KCNIP4: variants seen among roughly 807,000 people sequenced by gnomAD.
The protein encoded by KCNIP4 is potassium voltage-gated channel interacting protein 4, also known as Kv channel-interacting protein 4.
Under a neutral mutation model 34.0 loss-of-function variants are expected in KCNIP4, and 12 were observed. The ratio of observed to expected loss-of-function variants is 0.35; its 90% CI spans 0.23 to 0.57. The LOEUF (loss-of-function observed/expected upper bound fraction) is 0.57. KCNIP4 is among the 20% of genes least tolerant of loss of function. The probability of loss-of-function intolerance (pLI) is 0.83; values close to 1 mark genes in which losing one functional copy is unlikely to be tolerated. For missense variants in KCNIP4, 238 were observed against 311.7 expected, an observed-to-expected ratio of 0.76 and a Z score of 1.78; for synonymous variants, 124 against 102.2, an observed-to-expected ratio of 1.21 and a Z score of -1.29.
chr4:21,594,876 G>T (rs1004042309), intron 1 of KCNIP4, among the ~76,000 whole-genome samples: 5 of 151,898 alleles, frequency 3.3e-5, no homozygotes, highest in African/African-American at 1.2e-4. Context: ...ATCAACATTT[G>T]GCACATTCCA....
At chr4:21,831,716 T>G (rs1329763162) in intron 1 of KCNIP4, among the ~76,000 whole-genome samples, 1 of 145,632 alleles carries the variant, frequency 6.9e-6, no homozygotes, top group East Asian at 2.0e-4. Flanking sequence ...ACTGGTGAAT[T>G]CTACCAAAGA....
Position 21,375,277 on chromosome 4 carries a change from G to T in KCNIP4, c.62-492568C>A, listed in dbSNP as rs1720861369. On this transcript the variant is annotated intron_variant, in intron 1 of 8. Coordinates refer to ENST00000382152, the MANE Select transcript of KCNIP4 (RefSeq NM_025221.6). Reference sequence around the variant, plus strand: ...GACATGTGTGTTCAATTGCATCCAAGAATGTCTTCTGAAACTGAGTCCCTC... The same window carrying T: ...GACATGTGTGTTCAATTGCATCCAATAATGTCTTCTGAAACTGAGTCCCTC... 1.5e-5 allele frequency among the ~76,000 whole-genome samples: 2 copies of T among 130,818 alleles called. 1 individual carries two copies. Among genetic ancestry groups the T allele is most frequent in the South Asian group, 4.5e-4 (2 of 4,398 alleles). The allele number at this position is 130,818 out of a possible 152,430, so 85.8% of individuals were successfully genotyped here.
chr4:21,554,319 C>T (rs561837586), intron 1 of KCNIP4, among the ~76,000 whole-genome samples: 1 of 152,142 alleles, frequency 6.6e-6, no homozygotes, highest in South Asian at 2.1e-4. Flanking sequence ...GGAAAGAGAG[C>T]AGGGGGCTGT....
At chr4:21,639,039 G>C (rs1318264970) in intron 1 of KCNIP4, among the ~76,000 whole-genome samples, 1 of 152,150 alleles carries the variant, frequency 6.6e-6, no homozygotes, top group Admixed American at 6.5e-5. Context: ...TTATGCTGCT[G>C]ATTAATTGGG....
At chr4:21,845,473 G>T (rs1202031384) in intron 1 of KCNIP4, 6 of 151,954 alleles carry the variant, frequency 3.9e-5, no homozygotes, top group Admixed American at 1.3e-4. Flanking sequence ...GGCCAGATTT[G>T]GCCCATTTGC....
At chr4:20,799,551 C>A (rs1169633522) in intron 3 of KCNIP4, among the ~76,000 whole-genome samples, 6 of 152,196 alleles carry the variant, frequency 3.9e-5, no homozygotes, top group African/African-American at 1.4e-4. Context: ...CCCATCTGAG[C>A]TGGTGAGATG....
rs1453348127 is a variant in KCNIP4, at chr4:20,730,165, A to G, written c.706-36T>C. ...GAAACACAGAGCGATTAAATTCAGC[A>G]TATCTGCAAGGAAAAGTACACTATT... On this transcript the variant is annotated intron_variant, in intron 8 of 8. Coordinates refer to ENST00000382152, the MANE Select transcript of KCNIP4 (RefSeq NM_025221.6). 2.5e-6 allele frequency: 4 copies of G among 1,585,746 alleles called. No homozygotes were observed. The African/African-American group carries it at 5.4e-5, about 21-fold the overall frequency.
chr4:21,115,960 T>G (rs1445532157), intron 1 of KCNIP4, among the ~76,000 whole-genome samples: 2 of 152,202 alleles, frequency 1.3e-5, no homozygotes, highest in Admixed American at 1.3e-4. Context: ...GCTAAAGCCA[T>G]AAAGTCATTT....
At chr4:21,124,661 G>A (rs1429430687) in intron 1 of KCNIP4, among the ~76,000 whole-genome samples, 1 of 152,010 alleles carries the variant, frequency 6.6e-6, no homozygotes, top group Non-Finnish European at 1.5e-5. Flanking sequence ...TAAAAGAAGG[G>A]GGGTCTTTGT....
intron 1 of KCNIP4, among the ~76,000 whole-genome samples, chr4:21,484,545 G>C (rs1330872642): frequency 6.6e-6 from 1 of 152,176 alleles, no homozygotes; most frequent in African/African-American, 2.4e-5. Context: ...ATGTTGTGCA[G>C]GTTATAGGCA....
At chr4:20,916,771 G>A (rs1457889138) in intron 1 of KCNIP4, among the ~76,000 whole-genome samples, 1 of 151,508 alleles carries the variant, frequency 6.6e-6, no homozygotes, top group East Asian at 1.9e-4. Context: ...CTCTTTTGCA[G>A]CAACAGTTAA....
intron 1 of KCNIP4, among the ~76,000 whole-genome samples, chr4:21,589,178 ATATATATATATATATATATATATG>A (rs1165385316): frequency 1.2e-3 from 81 of 65,104 alleles, no homozygotes; most frequent in Non-Finnish European, 1.6e-3. Context: ...ATATATATAT[ATATATATATATATATATATATATG>A]TGTACATATA....
intron 1 of KCNIP4, among the ~76,000 whole-genome samples, chr4:21,256,541 G>T (rs1391329102): frequency 6.6e-6 from 1 of 152,056 alleles, no homozygotes; most frequent in Non-Finnish European, 1.5e-5. Flanking sequence ...TAAGCTAGCA[G>T]TGAGCTATGA....
At chr4:20,905,684 GA>G (rs202241870) in intron 1 of KCNIP4, among the ~76,000 whole-genome samples, 176 of 144,888 alleles carry the variant, frequency 1.2e-3, no homozygotes, top group Admixed American at 1.4e-3. Context: ...GCTAAGTTTT[GA>G]AATTTTTTTT....
At chr4:21,363,269 A>T (rs953081955) in intron 1 of KCNIP4, among the ~76,000 whole-genome samples, 2 of 152,020 alleles carry the variant, frequency 1.3e-5, no homozygotes, top group Non-Finnish European at 2.9e-5. Context: ...TGAACTACCT[A>T]GTTAGGTATA....
intron 1 of KCNIP4, among the ~76,000 whole-genome samples, chr4:20,975,629 A>C (rs1735411290): frequency 6.6e-6 from 1 of 152,066 alleles, no homozygotes; most frequent in Admixed American, 6.6e-5. Context: ...AAGAGACTAG[A>C]CCCCCATCCC....
At chr4:21,136,250 T>C (rs1164401411) in intron 1 of KCNIP4, among the ~76,000 whole-genome samples, 1 of 152,198 alleles carries the variant, frequency 6.6e-6, no homozygotes, top group Non-Finnish European at 1.5e-5. Flanking sequence ...GGGTTTTGTT[T>C]TCTGACCTAC....
intron 1 of KCNIP4, among the ~76,000 whole-genome samples, chr4:21,004,511 A>G (rs1046131563): frequency 6.6e-6 from 1 of 152,186 alleles, no homozygotes; most frequent in African/African-American, 2.4e-5. Context: ...GGTCCATACC[A>G]TTGCAATGTG....
At chr4:20,770,762 C>G (rs376182534) in intron 3 of KCNIP4, among the ~76,000 whole-genome samples, 1 of 151,940 alleles carries the variant, frequency 6.6e-6, no homozygotes, top group Admixed American at 6.6e-5. Context: ...GGTGAAACCC[C>G]GTCTGTACTA....
Sources: allele counts gnomAD v4.1 joint callset (sites outside exome capture counted in the v4.1 genomes callset), GRCh38; gene constraint gnomAD v4.1.1; transcripts MANE v1.5; gene names NCBI Gene and HGNC (gene_info 2026-07-23, HGNC 2026-07-21).